The following ASTN2 variants were observed in gnomAD, a reference collection of about 807,000 sequenced individuals.
ASTN2 encodes the protein astrotactin 2, also known as astrotactin-2.
ASTN2 carries 54 observed loss-of-function variants against 139.8 expected under a neutral mutation model. The ratio of observed to expected loss-of-function variants is 0.39; its 90% CI spans 0.31 to 0.48. The LOEUF is 0.48. Ranked by LOEUF, ASTN2 falls within the 20% of genes least tolerant of loss-of-function variation. ASTN2 has a pLI of 0.95. For missense variants in ASTN2, 1,565 were observed against 1,725.1 expected (o/e 0.91, Z 1.64); for synonymous variants, 756 against 719.5 (o/e 1.05, Z -0.81).
chr9:116,974,788 C>A (rs1179409803), intron 10 of ASTN2, among the ~76,000 whole-genome samples: 1 of 152,040 alleles, frequency 6.6e-6, no homozygotes, highest in Admixed American at 6.6e-5. Context: ...GGATTACAGG[C>A]GTGAGCCACC....
chr9:117,275,897 A>G (rs1442553154), intron 2 of ASTN2, among the ~76,000 whole-genome samples: 1 of 152,070 alleles, frequency 6.6e-6, no homozygotes, highest in Non-Finnish European at 1.5e-5. Flanking sequence ...TATAACCCCA[A>G]ATAACCTTAA....
At chr9:117,154,245 G>A (rs144886374) in intron 3 of ASTN2, among the ~76,000 whole-genome samples, 14 of 152,118 alleles carry the variant, frequency 9.2e-5, no homozygotes, top group South Asian at 2.1e-4. Flanking sequence ...CTAAGTTGGC[G>A]TTACTATGAG....
intron 19 of ASTN2, among the ~76,000 whole-genome samples, chr9:116,599,386 T>C (rs1854752561): frequency 6.6e-6 from 1 of 152,202 alleles, no homozygotes; most frequent in Non-Finnish European, 1.5e-5. Flanking sequence ...GTATTGTAAC[T>C]GTGTTCATTT....
intron 1 of ASTN2, among the ~76,000 whole-genome samples, chr9:117,304,902 G>T (rs897121135): frequency 6.6e-6 from 1 of 152,176 alleles, no homozygotes; most frequent in Non-Finnish European, 1.5e-5. Context: ...GGGAACTAAC[G>T]ACCCTCTTGA....
intron 2 of ASTN2, among the ~76,000 whole-genome samples, chr9:117,236,380 A>T (rs947477833): frequency 7.9e-5 from 12 of 152,192 alleles, no homozygotes; most frequent in African/African-American, 2.9e-4. Context: ...CCTGGGCCAG[A>T]GGGAGTGAGA....
chr9:116,807,516 A>G lies in ASTN2; in HGVS notation c.2208-1696T>C, dbSNP rs114632214. On this transcript the variant is annotated intron_variant, in intron 12 of 22. Transcript: ENST00000313400. ...GTACAGTGGGGAAATCTCTTGGAAAAGGGCCCTGTCTCAGAGCCTTGGTAA... is the reference window on the plus strand; with the variant it reads ...GTACAGTGGGGAAATCTCTTGGAAAGGGGCCCTGTCTCAGAGCCTTGGTAA... Among the ~76,000 whole-genome samples, 685 of 152,318 alleles carry G rather than the reference A, an allele frequency of 4.5e-3. 5 individuals carry two copies. The highest frequency in any genetic ancestry group is 0.016 in the African/African-American group (666 of 41,574).
At chr9:116,746,463 G>C (rs560896482) in intron 13 of ASTN2, among the ~76,000 whole-genome samples, 41 of 152,024 alleles carry the variant, frequency 2.7e-4, no homozygotes, top group African/African-American at 8.7e-4. Flanking sequence ...AGATCCTTTT[G>C]GTTTCACTGG....
At chr9:116,838,815 AG>A (rs1164699268) in intron 11 of ASTN2, among the ~76,000 whole-genome samples, 1 of 152,212 alleles carries the variant, frequency 6.6e-6, no homozygotes, top group Non-Finnish European at 1.5e-5. Flanking sequence ...ACTGGACAGC[AG>A]GAAGTCAGAG....
At chr9:116,839,873 T>TTA (rs1429753819) in intron 11 of ASTN2, among the ~76,000 whole-genome samples, 4 of 106,020 alleles carry the variant, frequency 3.8e-5, no homozygotes, top group Admixed American at 1.9e-4. Flanking sequence ...ATTATTATTA[T>TTA]TATTATTATT....
intron 16 of ASTN2, among the ~76,000 whole-genome samples, chr9:116,723,081 C>T (rs780622207): frequency 6.6e-6 from 1 of 151,954 alleles, no homozygotes; most frequent in Non-Finnish European, 1.5e-5. Context: ...AGGAGAATGG[C>T]GTGAACCCGG....
At chr9:117,250,158 A>G (rs1833498798) in intron 2 of ASTN2, among the ~76,000 whole-genome samples, 1 of 152,176 alleles carries the variant, frequency 6.6e-6, no homozygotes, top group Non-Finnish European at 1.5e-5. Flanking sequence ...CCACACCCAT[A>G]GTCTTTAGTG....
chr9:116,949,669 C>T (rs942827851), intron 10 of ASTN2, among the ~76,000 whole-genome samples: 4 of 152,102 alleles, frequency 2.6e-5, no homozygotes, highest in African/African-American at 7.2e-5. Flanking sequence ...TCCAAGTAGG[C>T]CAGCCTAGGA....
chr9:117,015,128 A>G (rs1837638236), intron 6 of ASTN2, among the ~76,000 whole-genome samples: 1 of 151,988 alleles, frequency 6.6e-6, no homozygotes, highest in Non-Finnish European at 1.5e-5. Flanking sequence ...CTCCCACCTT[A>G]GCCTCCCAGG....
At chr9:116,719,816 T>C (rs1316688294) in intron 16 of ASTN2, among the ~76,000 whole-genome samples, 1 of 151,532 alleles carries the variant, frequency 6.6e-6, no homozygotes, top group Non-Finnish European at 1.5e-5. Context: ...ATCATGAAGA[T>C]CTAGTATCAC....
intron 11 of ASTN2, among the ~76,000 whole-genome samples, chr9:116,847,237 T>A (rs1564302470): frequency 6.6e-6 from 1 of 152,118 alleles, no homozygotes; most frequent in Non-Finnish European, 1.5e-5. Flanking sequence ...TGCCTCAGCC[T>A]CCCAAGTAGC....
At chr9:116,948,809 T>C (rs1476507771) in intron 10 of ASTN2, among the ~76,000 whole-genome samples, 1 of 107,534 alleles carries the variant, frequency 9.3e-6, no homozygotes, top group Non-Finnish European at 2.1e-5. Flanking sequence ...TTTTTTTTTT[T>C]TGAGAAGGAG....
intron 1 of ASTN2, among the ~76,000 whole-genome samples, chr9:117,351,739 A>G (rs1829396160): frequency 7.4e-6 from 1 of 135,258 alleles, no homozygotes; most frequent in African/African-American, 2.6e-5. Context: ...TTCACAGGGA[A>G]AGCTCTGTTT....
At chr9:117,159,194 C>T (rs1170273156) in intron 3 of ASTN2, among the ~76,000 whole-genome samples, 2 of 151,876 alleles carry the variant, frequency 1.3e-5, no homozygotes, top group Non-Finnish European at 2.9e-5. Context: ...CTATCGCAGG[C>T]CTGTCGTCTG....
chr9:116,575,667 G>A (rs931957482), intron 19 of ASTN2, among the ~76,000 whole-genome samples: 2 of 152,162 alleles, frequency 1.3e-5, no homozygotes, highest in Non-Finnish European at 2.9e-5. Flanking sequence ...CTGTCTGAGA[G>A]AGTCTGCAGT....
Sources: allele counts gnomAD v4.1 joint callset (sites outside exome capture counted in the v4.1 genomes callset), GRCh38; gene constraint gnomAD v4.1.1; transcripts MANE v1.5; gene names NCBI Gene and HGNC (gene_info 2026-07-23, HGNC 2026-07-21).